The following CLRN1 variants were observed in gnomAD, a reference collection of about 807,000 sequenced individuals.
CLRN1 encodes clarin-1.
Under a neutral mutation model 18.7 loss-of-function variants are expected in CLRN1, and 15 were observed. The ratio of observed to expected loss-of-function variants is 0.80; its 90% confidence interval spans 0.54 to 1.23. CLRN1 has a LOEUF of 1.23. CLRN1 is among the 50% of genes most tolerant of loss of function. The pLI is 0.00. For synonymous variants in CLRN1, 104 were observed against 102.9 expected, an observed-to-expected ratio of 1.01 and a Z score of -0.07; for missense variants, 311 against 277.5, an observed-to-expected ratio of 1.12 and a Z score of -0.86.
At chr3:150,941,842 CT>C in intron 1 of CLRN1, 81 bp from the exon 2 acceptor site, 1 of 1,262,832 alleles carries the variant, frequency 7.9e-7, no homozygotes, top group Non-Finnish European at 1.1e-6. Context: ...TCAAATCTCT[CT>C]TTTTTAATTT....
At position 150,966,552 on chromosome 3, in the gene CLRN1, G is replaced by A. The variant is rs79342965; in HGVS notation, c.253+5904C>T. On this transcript the variant is annotated intron_variant, in intron 1 of 2. Coordinates refer to ENST00000327047, the MANE Select transcript of CLRN1 (RefSeq NM_174878.3). Reference sequence around the variant, plus strand: ...TCAATAATACGATCTCATTTATTTCGGTATTTGTGGCTGCCCCTACTTTCT... The same window carrying A: ...TCAATAATACGATCTCATTTATTTCAGTATTTGTGGCTGCCCCTACTTTCT... Among the ~76,000 whole-genome samples the A allele has an allele frequency of 4.1e-4, 63 of 152,090 alleles. 1 individual carries two copies. In the East Asian group the frequency reaches 0.012, roughly 28 times the overall value.
chr3:150,932,410 A>G (rs1260325980), intron 2 of CLRN1, among the ~76,000 whole-genome samples: 2 of 152,186 alleles, frequency 1.3e-5, no homozygotes, highest in Admixed American at 6.5e-5. Context: ...AAATCTCTGA[A>G]ATGTTATGAA....
upstream of CLRN1, chr3:150,972,799 G>C: frequency 6.3e-7 from 1 of 1,576,736 alleles, no homozygotes; most frequent in South Asian, 1.1e-5. Flanking sequence ...CATTTATTAC[G>C]GAAGCTGAAC....
chr3:150,950,067 C>A (rs937360567), intron 1 of CLRN1, among the ~76,000 whole-genome samples: 3 of 152,108 alleles, frequency 2.0e-5, no homozygotes, highest in African/African-American at 7.2e-5. Context: ...GGAGGAGATA[C>A]TCCTTACTCA....
At chr3:150,939,180 G>A (rs2107945782) in intron 2 of CLRN1, among the ~76,000 whole-genome samples, 1 of 152,234 alleles carries the variant, frequency 6.6e-6, no homozygotes, top group African/African-American at 2.4e-5. Context: ...TGAGCACCAG[G>A]GGGAGAGAGA....
chr3:150,963,089 A>G (rs888265909), intron 1 of CLRN1, among the ~76,000 whole-genome samples: 5 of 152,206 alleles, frequency 3.3e-5, no homozygotes, highest in Non-Finnish European at 5.9e-5. Context: ...GAAAGAAATA[A>G]AGCGTATTCA....
intron 1 of CLRN1, among the ~76,000 whole-genome samples, chr3:150,950,441 A>G (rs62282740): frequency 0.11 from 16,323 of 152,290 alleles, 966 homozygotes; most frequent in Non-Finnish European, 0.13. Flanking sequence ...CCCAGCATCT[A>G]TGAGGAACTT....
chr3:150,972,477 C>T lies in CLRN1; in HGVS notation c.232G>A (p.Ala78Thr). The T allele has an allele frequency of 1.2e-6, 2 of 1,614,184 alleles. No individual in the cohort carries two copies. The highest frequency in any genetic ancestry group is 1.7e-5 in the Admixed American group (1 of 60,018). ...TTACATGAGAACCGAAAGGGCCTTG[C>T]TCCCAACCCACACTGCCTCACACCC... ...GEGVRQCGLGARPFRFSFFPD... is the reference protein window; with the variant it reads ...GEGVRQCGLGTRPFRFSFFPD... The change falls in exon 1 of 3, where the codon GCA (alanine) becomes ACA (threonine). Residue 78 changes from alanine to threonine, a missense_variant. Coordinates refer to ENST00000327047, the MANE Select transcript of CLRN1 (RefSeq NM_174878.3).
intron 2 of CLRN1, among the ~76,000 whole-genome samples, chr3:150,932,532 A>C (rs535751752): frequency 5.3e-5 from 8 of 152,352 alleles, no homozygotes; most frequent in Admixed American, 6.5e-5. Flanking sequence ...CATCATCTTC[A>C]ATTGTCTTAT....
chr3:150,937,050 G>A (rs1236805965), intron 2 of CLRN1, among the ~76,000 whole-genome samples: 3 of 152,114 alleles, frequency 2.0e-5, no homozygotes, highest in African/African-American at 2.4e-5. Context: ...ATTGCAAACT[G>A]TAATCACTTA....
intron 2 of CLRN1, among the ~76,000 whole-genome samples, chr3:150,934,839 C>T (rs1713368567): frequency 6.6e-6 from 1 of 152,048 alleles, no homozygotes; most frequent in Non-Finnish European, 1.5e-5. Context: ...CTCTCTCTGT[C>T]TCTCTCTTCC....
At chr3:150,965,530 T>C (rs1281821171) in intron 1 of CLRN1, among the ~76,000 whole-genome samples, 2 of 152,172 alleles carry the variant, frequency 1.3e-5, no homozygotes, top group East Asian at 1.9e-4. Flanking sequence ...CCACCCAATA[T>C]TTTTTTCTTC....
At chr3:150,954,088 A>G (rs1237347767) in intron 1 of CLRN1, among the ~76,000 whole-genome samples, 1 of 152,210 alleles carries the variant, frequency 6.6e-6, no homozygotes, top group African/African-American at 2.4e-5. Context: ...CACCACAATA[A>G]TCAAGATATA....
At chr3:150,938,348 C>A (rs150816276) in intron 2 of CLRN1, among the ~76,000 whole-genome samples, 2 of 152,242 alleles carry the variant, frequency 1.3e-5, no homozygotes, top group South Asian at 4.1e-4. Flanking sequence ...CATTGGCTCA[C>A]ACTTAGAATG....
At chr3:150,971,816 A>G (rs1362328052) in intron 1 of CLRN1, among the ~76,000 whole-genome samples, 4 of 152,232 alleles carry the variant, frequency 2.6e-5, no homozygotes, top group Non-Finnish European at 5.9e-5. Flanking sequence ...AAAAATCACA[A>G]CAAGAAAATC....
chr3:150,954,185 C>T (rs1391151143), intron 1 of CLRN1, among the ~76,000 whole-genome samples: 9 of 152,200 alleles, frequency 5.9e-5, no homozygotes, highest in Non-Finnish European at 1.3e-4. Flanking sequence ...ACCCCCAGGT[C>T]CTATGTGTAA....
In CLRN1 at chr3:150,969,313, A is replaced by ATTTTTTTTTTT. The variant is rs1196979915; in HGVS notation, c.253+3132_253+3142dup. Among the ~76,000 whole-genome samples the ATTTTTTTTTTT allele has an allele frequency of 4.6e-5, 2 of 43,544 alleles. 1 individual carries two copies. Among genetic ancestry groups the ATTTTTTTTTTT allele is most frequent in the Non-Finnish European group, 7.7e-5 (2 of 26,036 alleles). The allele number at this position is 43,544 out of a possible 152,430, so 28.6% of individuals were successfully genotyped here. ...TTGTAATATATATATATATATATATATTTTTTTTTTTTTTTTTTTTTTTTT... is the reference window on the plus strand; with the variant it reads ...TTGTAATATATATATATATATATATATTTTTTTTTTTTTTTTTTTTTTTTTTTTTTTTTTTT... On this transcript the variant is annotated intron_variant, in intron 1 of 2. Transcript: ENST00000327047.
chr3:150,954,865 A>G lies in CLRN1; in HGVS notation c.254-13104T>C, dbSNP rs144367630. On this transcript the variant is annotated intron_variant, in intron 1 of 2. Transcript: ENST00000327047. Reference sequence around the variant, plus strand: ...TGTTTCAGAACTTAGAAAACTGAACATAGACTTAACATATAACCCAGCAAT... The same window carrying G: ...TGTTTCAGAACTTAGAAAACTGAACGTAGACTTAACATATAACCCAGCAAT... 5.5e-3 allele frequency among the ~76,000 whole-genome samples: 832 copies of G among 152,360 alleles called. 10 individuals are homozygous for G. Among genetic ancestry groups the G allele is most frequent in the African/African-American group, 0.019 (778 of 41,580 alleles).
chr3:150,957,866 C>T (rs1714830589), intron 1 of CLRN1, among the ~76,000 whole-genome samples: 1 of 151,998 alleles, frequency 6.6e-6, no homozygotes, highest in Non-Finnish European at 1.5e-5. Context: ...ACCATGTTGG[C>T]CAGGCTGGTC....
Sources: allele counts gnomAD v4.1 joint callset (sites outside exome capture counted in the v4.1 genomes callset), GRCh38; gene constraint gnomAD v4.1.1; transcripts MANE v1.5; gene names NCBI Gene and HGNC (gene_info 2026-07-23, HGNC 2026-07-21).